The following XNDC1N variants were observed in gnomAD, a reference collection of about 807,000 sequenced individuals.
The protein encoded by XNDC1N is XRCC1 N-terminal domain containing 1, N-terminal like, also known as protein XNDC1N.
the XNDC1N span, chr11:71,914,342 G>A: frequency 2.2e-6 from 1 of 456,156 alleles, no homozygotes; most frequent in Non-Finnish European, 4.4e-6. Flanking sequence ...CCCTCCTAGT[G>A]GGCTTTCAAG....
chr11:71,923,268 C>T, the XNDC1N span: 1 of 701,714 alleles, frequency 1.4e-6, no homozygotes, highest in Admixed American at 2.0e-5. Context: ...TCACTCCTTT[C>T]AGTTATTAAG....
At chr11:71,894,189 C>G in the XNDC1N span, 1 of 714,734 alleles carries the variant, frequency 1.4e-6, no homozygotes. Context: ...CCTTCTCCAC[C>G]TGTGGCTCTC....
chr11:71,880,356 T>C, the XNDC1N span, among the ~76,000 whole-genome samples: 1 of 152,160 alleles, frequency 6.6e-6, no homozygotes, highest in Admixed American at 6.5e-5. Context: ...TTTATATCAG[T>C]TGTAATGTCT....
the XNDC1N span, among the ~76,000 whole-genome samples, chr11:71,886,140 T>C: frequency 6.6e-6 from 1 of 151,982 alleles, no homozygotes; most frequent in African/African-American, 2.4e-5. Context: ...TGGAGAGGCG[T>C]GTTTTTGGGT....
chr11:71,927,178 A>C, the XNDC1N span, among the ~76,000 whole-genome samples: 8 of 151,944 alleles, frequency 5.3e-5, 1 homozygote, highest in African/African-American at 1.9e-4. Context: ...AGCCTGGGAG[A>C]TGAGACTACA....
At chr11:71,905,046 T>G in the XNDC1N span, among the ~76,000 whole-genome samples, 1 of 151,974 alleles carries the variant, frequency 6.6e-6, no homozygotes, top group South Asian at 2.1e-4. Context: ...CTCTTTAGGA[T>G]ATTACCAATA....
the XNDC1N span, among the ~76,000 whole-genome samples, chr11:71,891,503 G>C: frequency 2.6e-5 from 4 of 151,964 alleles, no homozygotes; most frequent in African/African-American, 9.7e-5. Flanking sequence ...AGATCACAAA[G>C]GGGTTGTACA....
chr11:71,906,245 G>T, the XNDC1N span, among the ~76,000 whole-genome samples: 5 of 151,292 alleles, frequency 3.3e-5, no homozygotes, highest in Non-Finnish European at 7.4e-5. Flanking sequence ...ATGTCACAGG[G>T]TGTTATCTTC....
chr11:71,917,435 C>T, the XNDC1N span: 1 of 637,204 alleles, frequency 1.6e-6, no homozygotes, highest in Admixed American at 2.3e-5. Context: ...TGCATCCTCA[C>T]CACACAAATC....
the XNDC1N span, among the ~76,000 whole-genome samples, chr11:71,876,496 C>T: frequency 2.0e-5 from 3 of 152,200 alleles, no homozygotes; most frequent in African/African-American, 7.2e-5. Flanking sequence ...CCATGGATTA[C>T]ACAATGTTCT....
the XNDC1N span, chr11:71,915,986 T>C: frequency 4.6e-6 from 3 of 656,488 alleles, no homozygotes; most frequent in Non-Finnish European, 8.3e-6. Flanking sequence ...TGTGTGTGTG[T>C]CTATGTCTCA....
the XNDC1N span, among the ~76,000 whole-genome samples, chr11:71,921,714 A>T: frequency 6.6e-6 from 1 of 152,086 alleles, no homozygotes; most frequent in Non-Finnish European, 1.5e-5. Flanking sequence ...TTTTTTTGAT[A>T]AATAAAAGGA....
At chr11:71,909,841 A>G in the XNDC1N span, among the ~76,000 whole-genome samples, 2 of 152,136 alleles carry the variant, frequency 1.3e-5, no homozygotes, top group African/African-American at 4.8e-5. Context: ...GAGAGCCACT[A>G]TCTCTTTGAC....
the XNDC1N span, among the ~76,000 whole-genome samples, chr11:71,888,418 G>A: frequency 6.6e-5 from 10 of 152,278 alleles, no homozygotes; most frequent in East Asian, 3.9e-4. Context: ...GGCGGGGACC[G>A]GGAAACTTTG....
chr11:71,888,411 G>A, the XNDC1N span, among the ~76,000 whole-genome samples: 16 of 152,148 alleles, frequency 1.1e-4, no homozygotes, highest in Non-Finnish European at 2.1e-4. Context: ...CCAAGGGGGC[G>A]GGGACCGGGA....
chr11:71,900,404 G>A, the XNDC1N span, among the ~76,000 whole-genome samples: 18 of 152,092 alleles, frequency 1.2e-4, no homozygotes, highest in African/African-American at 4.3e-4. Context: ...AGGGAGGGTC[G>A]GGAGCCTTGT....
the XNDC1N span, among the ~76,000 whole-genome samples, chr11:71,915,221 G>C: frequency 6.6e-6 from 1 of 152,112 alleles, no homozygotes; most frequent in Admixed American, 6.6e-5. Context: ...GGCCGAGACG[G>C]GAGGATCACG....
At chr11:71,913,665 T>TAAAAAAAAAAAAAAA in the XNDC1N span, among the ~76,000 whole-genome samples, 4 of 105,346 alleles carry the variant, frequency 3.8e-5, no homozygotes, top group East Asian at 2.7e-4. Flanking sequence ...TCTCAAAAGA[T>TAAAAAAAAAAAAAAA]AAAAAAAAAA....
chr11:71,870,937 T>G, the XNDC1N span, among the ~76,000 whole-genome samples: 1 of 152,186 alleles, frequency 6.6e-6, no homozygotes, highest in Non-Finnish European at 1.5e-5. Context: ...GTTGTAGGAA[T>G]GTAAATTAGT....
Sources: gnomAD v4.1 joint callset for allele counts (sites outside exome capture counted in the v4.1 genomes callset) on GRCh38, gnomAD v4.1.1 for gene constraint, MANE v1.5 for transcripts, NCBI Gene and HGNC (gene_info 2026-07-23, HGNC 2026-07-21) for gene names.